Variants in HSD17B3 observed in about 807,000 individuals in gnomAD.
HSD17B3 encodes the protein hydroxysteroid 17-beta dehydrogenase 3.
Under a neutral mutation model 41.1 loss-of-function variants are expected in HSD17B3, and 29 were observed. The ratio of observed to expected loss-of-function variants is 0.71; its 90% CI spans 0.53 to 0.96. HSD17B3 has a LOEUF of 0.96. Ranked by LOEUF, HSD17B3 falls within the 40% of genes least tolerant of loss-of-function variation. The probability of loss-of-function intolerance (pLI) is 0.00; values close to 1 mark genes in which losing one functional copy is unlikely to be tolerated. For synonymous variants in HSD17B3, 126 were observed against 145.6 expected (o/e 0.87, Z 0.97); for missense variants, 323 against 374.6 (o/e 0.86, Z 1.14).
At chr9:96,244,448 G>GCC in intron 8 of HSD17B3, 54 bp from the exon 9 acceptor site, 1 of 1,559,920 alleles carries the variant, frequency 6.4e-7, no homozygotes. Context: ...CCTCGTCAGA[G>GCC]CCAACTTCCT....
intron 2 of HSD17B3, among the ~76,000 whole-genome samples, chr9:96,270,888 A>T (rs1826213793): frequency 6.8e-6 from 1 of 148,032 alleles, no homozygotes; most frequent in Non-Finnish European, 1.5e-5. Context: ...TATCAGAGTG[A>T]CAAAAAGTAA....
chr9:96,250,202 G>T, intron 5 of HSD17B3: 1 of 1,136,384 alleles, frequency 8.8e-7, no homozygotes, highest in Non-Finnish European at 1.1e-6. Flanking sequence ...GGCAGGTAAA[G>T]AAACCACTAG....
chr9:96,299,580 A>C (rs1827494981), intron 1 of HSD17B3, among the ~76,000 whole-genome samples: 1 of 152,216 alleles, frequency 6.6e-6, no homozygotes, highest in Non-Finnish European at 1.5e-5. Context: ...TTTTAGATGC[A>C]TCATCTCATT....
chr9:96,235,751 G>A (rs1393088343), intron 10 of HSD17B3, among the ~76,000 whole-genome samples, 181 bp from the exon 11 acceptor site: 1 of 152,134 alleles, frequency 6.6e-6, no homozygotes, highest in Admixed American at 6.5e-5. Flanking sequence ...TTTCTCAGAC[G>A]CCAAAGTAGC....
intron 9 of HSD17B3, among the ~76,000 whole-genome samples, chr9:96,243,645 G>A (rs1434345981): frequency 6.6e-6 from 1 of 152,192 alleles, no homozygotes; most frequent in African/African-American, 2.4e-5. Context: ...CTACGTTCCA[G>A]AAACTATCTA....
At chr9:96,259,489 G>A (rs887521561) in intron 2 of HSD17B3, among the ~76,000 whole-genome samples, 15 of 152,164 alleles carry the variant, frequency 9.9e-5, no homozygotes, top group East Asian at 1.9e-4. Flanking sequence ...TTGGGAGGCC[G>A]AGGTGGGCGG....
intron 2 of HSD17B3, among the ~76,000 whole-genome samples, chr9:96,286,009 G>C (rs1230750881): frequency 6.6e-6 from 1 of 152,204 alleles, no homozygotes. Flanking sequence ...AGGTGAGATA[G>C]GAGGTCAACC....
At chr9:96,245,990 G>C (rs1836648051) in intron 7 of HSD17B3, among the ~76,000 whole-genome samples, 2 of 152,176 alleles carry the variant, frequency 1.3e-5, no homozygotes, top group Non-Finnish European at 2.9e-5. Context: ...ACAATGGAGG[G>C]GCAGGGGACA....
chr9:96,263,864 G>A (rs1214043551), intron 2 of HSD17B3, among the ~76,000 whole-genome samples: 1 of 152,106 alleles, frequency 6.6e-6, no homozygotes, highest in Admixed American at 6.5e-5. Context: ...TGGAAAGTAA[G>A]ATAGGAAAAA....
At chr9:96,274,700 G>A (rs1457708705) in intron 2 of HSD17B3, among the ~76,000 whole-genome samples, 1 of 152,132 alleles carries the variant, frequency 6.6e-6, no homozygotes, top group Non-Finnish European at 1.5e-5. Flanking sequence ...TATCCAGTCA[G>A]AGACAAAGAA....
chr9:96,251,460 G>T lies in HSD17B3; in HGVS notation c.411C>A (p.Asn137Lys). The T allele has an allele frequency of 6.2e-7, 1 of 1,614,180 alleles. No homozygotes were observed. Among genetic ancestry groups the T allele is most frequent in the Non-Finnish European group, 8.5e-7 (1 of 1,180,008 alleles). ...ILVNNVGMLPNLLPSHFLNAP... is the reference protein window; with the variant it reads ...ILVNNVGMLPKLLPSHFLNAP... Reference sequence around the variant, plus strand: ...CGTTCAGGAAATGGCTTGGGAGAAGGTTTGGAAGCATTCCGACATTGTTGA... The same window carrying T: ...CGTTCAGGAAATGGCTTGGGAGAAGTTTTGGAAGCATTCCGACATTGTTGA... The change falls in exon 5 of 11, where the codon AAC becomes AAA. Residue 137 changes from asparagine to lysine, a missense_variant. Coordinates refer to ENST00000375263, the MANE Select transcript of HSD17B3 (RefSeq NM_000197.2).
chr9:96,299,245 CAA>C (rs1298065925), intron 1 of HSD17B3, among the ~76,000 whole-genome samples: 2 of 152,182 alleles, frequency 1.3e-5, no homozygotes, highest in East Asian at 3.9e-4. Flanking sequence ...GGCATGCTTT[CAA>C]AAAGTGTGAA....
intron 2 of HSD17B3, among the ~76,000 whole-genome samples, chr9:96,288,664 C>G (rs1305773348): frequency 1.4e-4 from 22 of 152,024 alleles, no homozygotes; most frequent in Non-Finnish European, 2.4e-4. Context: ...AGGCCAGGCT[C>G]GGTGGCTCAT....
chr9:96,287,449 G>A (rs778873311), intron 2 of HSD17B3, among the ~76,000 whole-genome samples: 2 of 152,328 alleles, frequency 1.3e-5, no homozygotes, highest in South Asian at 2.1e-4. Flanking sequence ...GGTGGCTCAC[G>A]CCTGTAATGC....
At chr9:96,276,107 TAAAA>T (rs57386167) in intron 2 of HSD17B3, among the ~76,000 whole-genome samples, 5 of 41,150 alleles carry the variant, frequency 1.2e-4, no homozygotes, top group Non-Finnish European at 2.1e-4. Flanking sequence ...TCCTGTCTCA[TAAAA>T]AAAAAAAAAA....
chr9:96,301,612 G>A (rs10990348), intron 1 of HSD17B3, among the ~76,000 whole-genome samples: 3 of 150,788 alleles, frequency 2.0e-5, no homozygotes, highest in East Asian at 3.9e-4. Context: ...TTGGGAGGCC[G>A]AGGCAGGAGA....
chr9:96,296,770 A>G (rs1827375969), intron 2 of HSD17B3, among the ~76,000 whole-genome samples: 1 of 152,144 alleles, frequency 6.6e-6, no homozygotes, highest in Admixed American at 6.6e-5. Context: ...GGCAGGCTGC[A>G]GTGGTTCATG....
intron 2 of HSD17B3, among the ~76,000 whole-genome samples, chr9:96,285,237 C>T (rs376035917): frequency 6.6e-6 from 1 of 152,162 alleles, no homozygotes; most frequent in African/African-American, 2.4e-5. Context: ...ATCAGTCTTA[C>T]CATGATTTGT....
At chr9:96,268,703 CT>C (rs1826129075) in intron 2 of HSD17B3, among the ~76,000 whole-genome samples, 1 of 152,170 alleles carries the variant, frequency 6.6e-6, no homozygotes, top group African/African-American at 2.4e-5. Flanking sequence ...AATACCAGCA[CT>C]TTGGGAAGCC....
Sources: gnomAD v4.1 joint callset for allele counts (sites outside exome capture counted in the v4.1 genomes callset) on GRCh38, gnomAD v4.1.1 for gene constraint, MANE v1.5 for transcripts, NCBI Gene and HGNC (gene_info 2026-07-23, HGNC 2026-07-21) for gene names.